RAD18: variants seen among roughly 807,000 people sequenced by gnomAD.
RAD18 encodes the protein RAD18 E3 ubiquitin protein ligase, also known as E3 ubiquitin-protein ligase RAD18.
A neutral mutation model predicts 60.4 loss-of-function variants in RAD18; 47 were observed. That is an observed-to-expected ratio of 0.78 (90% CI 0.62 to 0.99). RAD18 has a LOEUF of 0.99. Ranked by LOEUF, RAD18 falls within the 50% of genes least tolerant of loss-of-function variation. The pLI is 0.00. For synonymous variants in RAD18, 225 were observed against 195.5 expected, an observed-to-expected ratio of 1.15 and a Z score of -1.26; for missense variants, 640 against 593.3, an observed-to-expected ratio of 1.08 and a Z score of -0.82.
chr3:8,940,909 G>C (rs965693045), intron 5 of RAD18, among the ~76,000 whole-genome samples: 1 of 152,228 alleles, frequency 6.6e-6, no homozygotes, highest in Non-Finnish European at 1.5e-5. Flanking sequence ...ACAGAGAATA[G>C]GGTGGGTATG....
intron 7 of RAD18, among the ~76,000 whole-genome samples, chr3:8,930,328 G>A (rs1475641150): frequency 2.0e-5 from 3 of 152,166 alleles, no homozygotes; most frequent in Admixed American, 6.5e-5. Context: ...ATGCTATATG[G>A]TTCCACTTAA....
rs779801215 is a variant in RAD18, at chr3:8,898,906, T to C, written c.1310A>G (p.Asp437Gly). 1.6e-5 allele frequency: 25 copies of C among 1,592,600 alleles called. No individual in the cohort carries two copies. In the South Asian group the frequency reaches 2.9e-4, roughly 18 times the overall value. ...GCATGTTTCTTACCTATTGCATGAA[T>C]CTGATTCTGATGAAGAAAGAACTTC... Reference protein sequence around the residue: ...IQEVLSSSESDSCNSSSSDII... With the variant: ...IQEVLSSSESGSCNSSSSDII... Residue 437 changes from aspartate to glycine, a missense_variant, in exon 11 of 13, where the codon GAT becomes GGT. Transcript: ENST00000264926.
chr3:8,948,411 T>C (rs1278341206), intron 3 of RAD18, 98 bp downstream of exon 3: 1 of 999,742 alleles, frequency 1.0e-6, no homozygotes, highest in African/African-American at 1.6e-5. Context: ...ATTCAGTAAC[T>C]ACACATCACC....
chr3:8,892,203 A>G (rs910714369), intron 11 of RAD18, among the ~76,000 whole-genome samples: 3 of 152,208 alleles, frequency 2.0e-5, no homozygotes, highest in Non-Finnish European at 2.9e-5. Flanking sequence ...TTTAAAGTCT[A>G]GAACGAGGAA....
At chr3:8,900,031 A>G (rs1245800114) in intron 10 of RAD18, among the ~76,000 whole-genome samples, 1 of 152,202 alleles carries the variant, frequency 6.6e-6, no homozygotes, top group Admixed American at 6.5e-5. Flanking sequence ...AGAACATAAC[A>G]AATTCTTCAA....
Position 8,890,412 on chromosome 3 carries a change from C to A in RAD18, c.1362G>T (p.Glu454Asp). ...ACTTATGTGATGCTTCCCAGGCTTC[C>A]TCTTCTTCTAAAAGATCTCTTATGA... ...SDIIRDLLEE[E>D]EAWEASHKND... Residue 454 changes from glutamate to aspartate, a missense_variant, in exon 12 of 13, where the codon GAG becomes GAT. By Grantham distance (45) the Glu-to-Asp change is conservative. Coordinates refer to ENST00000264926, the MANE Select transcript of RAD18 (RefSeq NM_020165.4). 1 of 1,595,558 alleles carries A rather than the reference C, an allele frequency of 6.3e-7. No homozygotes were observed. Among genetic ancestry groups the A allele is most frequent in the Non-Finnish European group, 8.6e-7 (1 of 1,163,302 alleles).
intron 10 of RAD18, among the ~76,000 whole-genome samples, chr3:8,900,762 C>T (rs1939895829): frequency 6.6e-6 from 1 of 152,158 alleles, no homozygotes; most frequent in African/African-American, 2.4e-5. Context: ...TCCATCTTTT[C>T]AGTCAGTCTG....
chr3:8,935,089 T>C (rs2125064528), intron 7 of RAD18, among the ~76,000 whole-genome samples: 1 of 152,330 alleles, frequency 6.6e-6, no homozygotes, highest in South Asian at 2.1e-4. Context: ...ATAGGGCTTT[T>C]GGGACGCTGG....
chr3:8,896,693 T>C (rs1274428813), intron 11 of RAD18, among the ~76,000 whole-genome samples: 1 of 152,186 alleles, frequency 6.6e-6, no homozygotes, highest in African/African-American at 2.4e-5. Context: ...TGGTGTGTTC[T>C]CTCCCTCACC....
At chr3:8,902,282 C>T in intron 10 of RAD18, 98 bp downstream of exon 10, 1 of 1,165,756 alleles carries the variant, frequency 8.6e-7, no homozygotes, top group Non-Finnish European at 1.1e-6. Flanking sequence ...TTTCAAAGAA[C>T]TAAGAACTCC....
intron 12 of RAD18, among the ~76,000 whole-genome samples, chr3:8,885,811 G>A (rs1397098362): frequency 2.0e-4 from 30 of 152,242 alleles, no homozygotes; most frequent in Admixed American, 2.0e-3. Context: ...TCATTCTGGG[G>A]TGGAGACTTA....
intron 5 of RAD18, among the ~76,000 whole-genome samples, chr3:8,941,213 A>G (rs745843116): frequency 1.3e-5 from 2 of 152,232 alleles, no homozygotes; most frequent in African/African-American, 2.4e-5. Flanking sequence ...TAAAAGCTGA[A>G]AACAGAAAGC....
At chr3:8,903,572 T>C (rs1939951093) in intron 9 of RAD18, among the ~76,000 whole-genome samples, 1 of 152,196 alleles carries the variant, frequency 6.6e-6, no homozygotes, top group African/African-American at 2.4e-5. Flanking sequence ...CCTTTGAATA[T>C]AATTAACCCT....
intron 7 of RAD18, among the ~76,000 whole-genome samples, chr3:8,914,135 C>A (rs1170336358): frequency 6.6e-6 from 1 of 152,174 alleles, no homozygotes; most frequent in African/African-American, 2.4e-5. Context: ...AAAAGGTCTA[C>A]AAATACCAGG....
intron 12 of RAD18, among the ~76,000 whole-genome samples, chr3:8,888,508 A>G (rs1221672471): frequency 1.3e-5 from 2 of 152,254 alleles, no homozygotes; most frequent in Non-Finnish European, 2.9e-5. Context: ...AAAAATGCCT[A>G]TAAGCTTAAG....
At chr3:8,899,432 A>G (rs1431447193) in intron 10 of RAD18, among the ~76,000 whole-genome samples, 1 of 152,228 alleles carries the variant, frequency 6.6e-6, no homozygotes, top group African/African-American at 2.4e-5. Context: ...TCAACTAATA[A>G]GACAACCACA....
chr3:8,942,175 G>A (rs1398615447), intron 4 of RAD18, among the ~76,000 whole-genome samples: 1 of 152,170 alleles, frequency 6.6e-6, no homozygotes, highest in Non-Finnish European at 1.5e-5. Context: ...GGGACCTGGT[G>A]GAAGGTGACT....
intron 11 of RAD18, among the ~76,000 whole-genome samples, chr3:8,894,410 A>G (rs1939749832): frequency 1.3e-5 from 2 of 152,244 alleles, no homozygotes; most frequent in African/African-American, 4.8e-5. Context: ...AGCATTCACA[A>G]TATATGATCA....
At chr3:8,922,928 T>C (rs983547438) in intron 7 of RAD18, among the ~76,000 whole-genome samples, 2 of 152,022 alleles carry the variant, frequency 1.3e-5, no homozygotes, top group Non-Finnish European at 1.5e-5. Flanking sequence ...GTCACCATCA[T>C]CAAAGACAAA....
Sources: allele counts gnomAD v4.1 joint callset (sites outside exome capture counted in the v4.1 genomes callset), GRCh38; gene constraint gnomAD v4.1.1; transcripts MANE v1.5; gene names NCBI Gene and HGNC (gene_info 2026-07-23, HGNC 2026-07-21).